The following EPN2 variants were observed in gnomAD, a reference collection of about 807,000 sequenced individuals.
EPN2 encodes epsin-2.
In EPN2, 34 loss-of-function variants were observed where a neutral mutation model predicts 61.7. That is an observed-to-expected ratio of 0.55 (90% confidence interval 0.42 to 0.73). The LOEUF (loss-of-function observed/expected upper bound fraction) is 0.73, where lower values mean the gene tolerates loss of function less well. Among genes scored for constraint, EPN2 ranks in the 30% least tolerant of loss-of-function variants. The probability of loss-of-function intolerance (pLI) is 0.00; values close to 1 mark genes in which losing one functional copy is unlikely to be tolerated. For missense variants in EPN2, 714 were observed against 839.2 expected, an observed-to-expected ratio of 0.85 and a Z score of 1.84; for synonymous variants, 349 against 353.6, an observed-to-expected ratio of 0.99 and a Z score of 0.15.
Position 19,313,120 on chromosome 17 carries a change from C to T in EPN2, c.988C>T (p.Gln330Ter), listed in dbSNP as rs778006597. The T allele has an allele frequency of 6.2e-7, 1 of 1,613,702 alleles. No homozygotes were observed. The stretch of plus-strand genomic sequence containing the variant: ...GTCTTAAAAGCATGGCTCTCTCCCA[C>T]AGCAGACTACGCTGTTGGATTTAAT... ...PKKKEHGSLP[Q>*]QTTLLDLMDA... Residue 330 changes from glutamine to a stop codon, truncating the protein, a stop_gained, in exon 7 of 11, where the codon CAG (glutamine) becomes TAG (stop). Coordinates refer to ENST00000314728, the MANE Select transcript of EPN2 (RefSeq NM_014964.5). LOFTEE classifies it high-confidence loss of function.
intron 4 of EPN2, among the ~76,000 whole-genome samples, chr17:19,290,859 C>T (rs2045457631): frequency 6.6e-6 from 1 of 152,158 alleles, no homozygotes; most frequent in Admixed American, 6.5e-5. Context: ...CTGCCTGCAG[C>T]CGGGTCTTCT....
chr17:19,308,062 A>G lies in EPN2; in HGVS notation c.767-1823A>G, dbSNP rs983690687. 6.2e-6 allele frequency: 6 copies of G among 973,642 alleles called. No individual in the cohort carries two copies. In the African/African-American group the frequency reaches 8.8e-5, roughly 14 times the overall value. 60.3% of individuals were successfully genotyped at this position (973,642 alleles called of 1,614,324 possible). A position where few individuals can be genotyped will look rare whatever the true frequency, so the allele number is the denominator to read the frequency against. The stretch of plus-strand genomic sequence containing the variant: ...TGTAATGAAAGAAGGAAGTAAACTA[A>G]TACACAATTAGAACATTTATTTATT... On this transcript the variant is annotated intron_variant, in intron 4 of 10. Coordinates refer to ENST00000314728, the MANE Select transcript of EPN2 (RefSeq NM_014964.5).
At chr17:19,301,353 A>C (rs1351894314) in intron 4 of EPN2, among the ~76,000 whole-genome samples, 5 of 152,258 alleles carry the variant, frequency 3.3e-5, no homozygotes, top group African/African-American at 9.6e-5. Context: ...TCTTCATCCT[A>C]CTTTACGGGG....
At chr17:19,258,485 G>T (rs1411726232) in intron 1 of EPN2, among the ~76,000 whole-genome samples, 1 of 152,130 alleles carries the variant, frequency 6.6e-6, no homozygotes, top group Non-Finnish European at 1.5e-5. Flanking sequence ...GTTTGGTGAC[G>T]TTGGGTTGGG....
intron 1 of EPN2, among the ~76,000 whole-genome samples, chr17:19,247,071 C>G (rs1179212178): frequency 6.6e-6 from 1 of 152,132 alleles, no homozygotes; most frequent in Admixed American, 6.5e-5. Flanking sequence ...CGCCCAGCCC[C>G]CTGTGTGCCT....
intron 1 of EPN2, among the ~76,000 whole-genome samples, chr17:19,240,401 A>G (rs752066413): frequency 6.6e-6 from 1 of 152,108 alleles, no homozygotes; most frequent in Non-Finnish European, 1.5e-5. Context: ...GTGTGCCACC[A>G]TGCCCGGCTA....
At chr17:19,301,762 C>T (rs1905531362) in intron 4 of EPN2, among the ~76,000 whole-genome samples, 1 of 152,238 alleles carries the variant, frequency 6.6e-6, no homozygotes, top group Non-Finnish European at 1.5e-5. Context: ...CAGAGCATAG[C>T]TGAGCAAGCT....
intron 7 of EPN2, among the ~76,000 whole-genome samples, chr17:19,327,385 A>G (rs1454578777): frequency 1.3e-5 from 2 of 152,148 alleles, no homozygotes; most frequent in African/African-American, 4.8e-5. Context: ...AGTTCGGAAA[A>G]TAGGGACTTG....
intron 9 of EPN2, among the ~76,000 whole-genome samples, chr17:19,331,648 A>G (rs1434722675): frequency 6.6e-6 from 1 of 152,074 alleles, no homozygotes; most frequent in Admixed American, 6.6e-5. Context: ...TTCTTTGCTT[A>G]TCATTAGGTA....
chr17:19,331,920 AC>A lies in EPN2; in HGVS notation c.1483del (p.Leu495Ter). 6.2e-7 allele frequency: 1 copy of A among 1,613,926 alleles called. No homozygotes were observed. The highest frequency in any genetic ancestry group is 8.5e-7 in the Non-Finnish European group (1 of 1,179,968). On this transcript the variant is annotated frameshift_variant, in exon 10 of 11. Coordinates refer to ENST00000314728, the MANE Select transcript of EPN2 (RefSeq NM_014964.5). LOFTEE classifies it high-confidence loss of function. ...TTSPDPFESQ[P>X]LTVASSKPSS... ...CCAGCCCTGACCCCTTTGAGTCTCA[AC>A]CCCTGACTGTCGCCTCAAGCAAGCC...
In EPN2 at chr17:19,282,938, C is replaced by T; in HGVS notation, c.-170-12C>T. The T allele has an allele frequency of 1.7e-6, 1 of 578,886 alleles. No homozygotes were observed. Among genetic ancestry groups the T allele is most frequent in the South Asian group, 2.2e-5 (1 of 44,452 alleles). The allele number at this position is 578,886 out of a possible 1,614,324, so 35.9% of individuals were successfully genotyped here. A position where few individuals can be genotyped will look rare whatever the true frequency, so the allele number is the denominator to read the frequency against. On this transcript the variant is annotated splice_polypyrimidine_tract_variant and intron_variant, in intron 2 of 10. Transcript: ENST00000314728. ...CTTACGTCGCAGTGGAATGGGTTTTCTCTTTCTCTAGGTCATGGCTTCCAG... is the reference window on the plus strand; with the variant it reads ...CTTACGTCGCAGTGGAATGGGTTTTTTCTTTCTCTAGGTCATGGCTTCCAG...
At chr17:19,291,691 C>T (rs1051222119) in intron 4 of EPN2, among the ~76,000 whole-genome samples, 42 of 152,156 alleles carry the variant, frequency 2.8e-4, no homozygotes, top group African/African-American at 9.7e-4. Flanking sequence ...CCACCCGCCT[C>T]GGCCTCCCAA....
Position 19,241,640 on chromosome 17 carries a change from T to C in EPN2, c.-294+4109T>C, listed in dbSNP as rs530051167. Among the ~76,000 whole-genome samples the C allele has an allele frequency of 1.9e-3, 292 of 151,156 alleles. 1 individual carries two copies. Among genetic ancestry groups the C allele is most frequent in the African/African-American group, 6.9e-3 (284 of 41,216 alleles). ...CTTTCTGATAAGTTCGTCAATGGAA[T>C]TTTATTGCTTAACTAGTTCATTCAA... On this transcript the variant is annotated intron_variant, in intron 1 of 10. Coordinates refer to ENST00000314728, the MANE Select transcript of EPN2 (RefSeq NM_014964.5).
At chr17:19,322,111 T>C (rs3785778) in intron 7 of EPN2, among the ~76,000 whole-genome samples, 146,190 of 152,266 alleles carry the variant, frequency 0.96, 70,580 homozygotes, top group African/African-American at 0.99. Flanking sequence ...ACGATCTGCA[T>C]GAGACACTGG....
At chr17:19,269,221 A>G (rs986829330) in intron 1 of EPN2, among the ~76,000 whole-genome samples, 1 of 152,260 alleles carries the variant, frequency 6.6e-6, no homozygotes, top group African/African-American at 2.4e-5. Flanking sequence ...CTGACATTGA[A>G]GAGTTGGGAA....
At chr17:19,250,495 C>A (rs1162739991) in intron 1 of EPN2, among the ~76,000 whole-genome samples, 1 of 152,126 alleles carries the variant, frequency 6.6e-6, no homozygotes, top group African/African-American at 2.4e-5. Flanking sequence ...TTTGGGAGGC[C>A]ACTATTTGTT....
At chr17:19,279,878 C>G (rs1282069963) in intron 1 of EPN2, 1 of 151,078 alleles carries the variant, frequency 6.6e-6, no homozygotes, top group African/African-American at 2.4e-5. Flanking sequence ...ACTCTATCGC[C>G]CAGGCTGGAG....
At chr17:19,254,095 G>A (rs542874535) in intron 1 of EPN2, among the ~76,000 whole-genome samples, 2 of 145,172 alleles carry the variant, frequency 1.4e-5, no homozygotes, top group Non-Finnish European at 3.0e-5. Context: ...TCACGCCACC[G>A]TACTCCAGCC....
intron 1 of EPN2, chr17:19,273,285 TC>T (rs1441506369): frequency 6.6e-6 from 1 of 152,098 alleles, no homozygotes; most frequent in African/African-American, 2.4e-5. Flanking sequence ...GGTTGGTTCT[TC>T]CTATGCAGTC....
Sources: allele counts gnomAD v4.1 joint callset (sites outside exome capture counted in the v4.1 genomes callset), GRCh38; gene constraint gnomAD v4.1.1; transcripts MANE v1.5; gene names NCBI Gene and HGNC (gene_info 2026-07-23, HGNC 2026-07-21).